The following PTPRD variants were observed in gnomAD, a reference collection of about 807,000 sequenced individuals.
PTPRD encodes receptor-type tyrosine-protein phosphatase delta.
Under a neutral mutation model 214.5 loss-of-function variants are expected in PTPRD, and 34 were observed. The observed-to-expected ratio is 0.16, with a 90% CI of 0.12 to 0.21. The LOEUF (loss-of-function observed/expected upper bound fraction) is 0.21, where lower values mean the gene tolerates loss of function less well. Ranked by LOEUF, PTPRD falls within the 10% of genes least tolerant of loss-of-function variation. The pLI is 1.00. For synonymous variants in PTPRD, 1,128 were observed against 845.7 expected (o/e 1.33, Z -5.79); for missense variants, 2,545 against 2,398.7 (o/e 1.06, Z -1.27).
At chr9:9,561,797 A>G (rs7847584) in intron 8 of PTPRD, among the ~76,000 whole-genome samples, 3,752 of 152,174 alleles carry the variant, frequency 0.025, 170 homozygotes, top group African/African-American at 0.084. Context: ...TTCTCTTTCT[A>G]TCTACTGGTT....
intron 36 of PTPRD, among the ~76,000 whole-genome samples, chr9:8,390,844 A>G (rs1345123972): frequency 6.6e-6 from 1 of 152,204 alleles, no homozygotes. Flanking sequence ...GAATTGGGAT[A>G]AGAGCTGCCT....
At chr9:10,016,252 T>C (rs2096709611) in intron 4 of PTPRD, among the ~76,000 whole-genome samples, 2 of 152,192 alleles carry the variant, frequency 1.3e-5, no homozygotes, top group South Asian at 2.1e-4. Flanking sequence ...TGTTTTCTTT[T>C]AAAATACACT....
At chr9:9,226,649 A>C (rs760154016) in intron 9 of PTPRD, among the ~76,000 whole-genome samples, 5 of 152,072 alleles carry the variant, frequency 3.3e-5, no homozygotes, top group Non-Finnish European at 7.4e-5. Flanking sequence ...GATCTTGGGT[A>C]AACAGTTGGA....
chr9:8,499,829 G>C lies in PTPRD; in HGVS notation c.2140C>G (p.Pro714Ala), dbSNP rs1220058466. 6.2e-7 allele frequency: 1 copy of C among 1,610,384 alleles called. No individual in the cohort carries two copies. Among genetic ancestry groups the C allele is most frequent in the South Asian group, 1.1e-5 (1 of 90,144 alleles). The change falls in exon 25 of 46, where the codon CCT becomes GCT. Residue 714 changes from proline to alanine, a missense_variant. Pro to Ala is a conservative substitution (Grantham distance 27, BLOSUM62 -1). Coordinates refer to ENST00000381196, the MANE Select transcript of PTPRD (RefSeq NM_002839.4). ...IRTNEDVPSGPPRKVEVEAVN... is the reference protein window; with the variant it reads ...IRTNEDVPSGAPRKVEVEAVN... ...GCCTCTACCTCGACTTTGCGAGGAG[G>C]ACCACTAGGAACTGGAACAACATCA...
chr9:9,784,980 C>T (rs959258555), intron 5 of PTPRD, among the ~76,000 whole-genome samples: 4 of 151,256 alleles, frequency 2.6e-5, no homozygotes, highest in Non-Finnish European at 5.9e-5. Context: ...GTGAATATAA[C>T]TGCTTTCACC....
chr9:9,156,115 A>G (rs1569555657), intron 10 of PTPRD, among the ~76,000 whole-genome samples: 1 of 152,186 alleles, frequency 6.6e-6, no homozygotes, highest in Non-Finnish European at 1.5e-5. Context: ...TGTAAAACAG[A>G]TATACAGGCA....
At chr9:9,100,063 T>C (rs768310716) in intron 10 of PTPRD, among the ~76,000 whole-genome samples, 1 of 152,180 alleles carries the variant, frequency 6.6e-6, no homozygotes, top group Non-Finnish European at 1.5e-5. Flanking sequence ...CTTTTTGTGA[T>C]GATTATAATT....
At chr9:9,498,101 T>TA (rs1429608264) in intron 8 of PTPRD, among the ~76,000 whole-genome samples, 5 of 152,138 alleles carry the variant, frequency 3.3e-5, no homozygotes, top group African/African-American at 1.2e-4. Flanking sequence ...GCAGTTTACT[T>TA]ACCAAGAGAA....
rs149302277 is a variant in PTPRD, at chr9:8,795,032, A to G, written c.-103-61086T>C. Among the ~76,000 whole-genome samples the G allele has an allele frequency of 3.9e-5, 6 of 152,258 alleles. No homozygotes were observed. In the East Asian group the frequency reaches 1.2e-3, roughly 29 times the overall value. ...TGCACTTACATTTCTTGAATTCATA[A>G]CATCTCTTAGCCTCAAAAATGGAAC... On this transcript the variant is annotated intron_variant, in intron 11 of 45. Coordinates refer to ENST00000381196, the MANE Select transcript of PTPRD (RefSeq NM_002839.4).
chr9:10,313,383 A>C (rs1384621848), intron 3 of PTPRD, among the ~76,000 whole-genome samples: 1 of 114,924 alleles, frequency 8.7e-6, no homozygotes, highest in Non-Finnish European at 1.7e-5. Flanking sequence ...ACATGGTCAG[A>C]GACAGGTACA....
At chr9:8,524,877 C>T (rs771164211) in intron 18 of PTPRD, 48 bp downstream of exon 18, 3 of 1,520,026 alleles carry the variant, frequency 2.0e-6, no homozygotes, top group Non-Finnish European at 1.8e-6. Flanking sequence ...GTCTCAACTC[C>T]CCCTGAGCCT....
At chr9:9,440,026 A>C (rs755936935) in intron 8 of PTPRD, among the ~76,000 whole-genome samples, 95 of 152,312 alleles carry the variant, frequency 6.2e-4, no homozygotes, top group Non-Finnish European at 4.1e-4. Context: ...ATGAAAGCAA[A>C]AGGTTAGGTT....
At position 10,266,262 on chromosome 9, in the gene PTPRD, T is replaced by C. The variant is rs148679764; in HGVS notation, c.-545+74701A>G. Among the ~76,000 whole-genome samples, 197 of 152,240 alleles carry C rather than the reference T, an allele frequency of 1.3e-3. 1 individual carries two copies. The highest frequency in any genetic ancestry group is 5.2e-3 in the South Asian group (25 of 4,818). ...CAAGCAATGTAAGGAGTGTTAAGAA[T>C]TAAAATAGCCCTTGAAAATGAAAAA... is the stretch of plus-strand genomic sequence containing the variant. On this transcript the variant is annotated intron_variant, in intron 3 of 45. Transcript: ENST00000381196.
chr9:8,340,118 T>G (rs530065556), intron 42 of PTPRD, among the ~76,000 whole-genome samples: 39 of 152,288 alleles, frequency 2.6e-4, no homozygotes, highest in African/African-American at 9.4e-4. Flanking sequence ...ATGCTTGTGC[T>G]TCACTGGAAA....
chr9:9,232,965 G>A (rs1353476343), intron 9 of PTPRD, among the ~76,000 whole-genome samples: 1 of 152,012 alleles, frequency 6.6e-6, no homozygotes, highest in African/African-American at 2.4e-5. Flanking sequence ...CTTCTATATA[G>A]GAGATGGGTG....
intron 11 of PTPRD, among the ~76,000 whole-genome samples, chr9:8,899,130 A>AT (rs1389181062): frequency 6.6e-6 from 1 of 152,148 alleles, no homozygotes; most frequent in Non-Finnish European, 1.5e-5. Context: ...ACCAGGCAAG[A>AT]TAAAAAAAAG....
chr9:10,382,174 T>C (rs1409233062), intron 2 of PTPRD, among the ~76,000 whole-genome samples: 3 of 151,922 alleles, frequency 2.0e-5, no homozygotes, highest in Non-Finnish European at 4.4e-5. Context: ...AACTGATCTT[T>C]CTAATACGTA....
At chr9:8,933,372 G>A (rs2098967949) in intron 11 of PTPRD, among the ~76,000 whole-genome samples, 1 of 58,054 alleles carries the variant, frequency 1.7e-5, no homozygotes. Flanking sequence ...TTACATAAAA[G>A]GACTCTAGTA....
At chr9:8,632,771 A>C (rs2096291652) in intron 14 of PTPRD, among the ~76,000 whole-genome samples, 1 of 152,040 alleles carries the variant, frequency 6.6e-6, no homozygotes, top group Admixed American at 6.6e-5. Context: ...TTGTCAGCCC[A>C]GTTATTTAGA....
Sources: gnomAD v4.1 joint callset for allele counts (sites outside exome capture counted in the v4.1 genomes callset) on GRCh38, gnomAD v4.1.1 for gene constraint, MANE v1.5 for transcripts, NCBI Gene and HGNC (gene_info 2026-07-23, HGNC 2026-07-21) for gene names.